CAPN13: variants seen among roughly 807,000 people sequenced by gnomAD.
CAPN13 encodes calpain-13.
CAPN13 carries 90 observed loss-of-function variants against 98.4 expected under a neutral mutation model. That is an observed-to-expected ratio of 0.92 (90% CI 0.77 to 1.09). The LOEUF is 1.09. CAPN13 is among the 50% of genes least tolerant of loss of function. The pLI is 0.00. For missense variants in CAPN13, 887 were observed against 841.3 expected (o/e 1.05, Z -0.67); for synonymous variants, 330 against 305.5 (o/e 1.08, Z -0.84).
intron 19 of CAPN13, among the ~76,000 whole-genome samples, chr2:30,734,165 T>C (rs938225324): frequency 2.0e-5 from 3 of 152,154 alleles, no homozygotes; most frequent in Non-Finnish European, 4.4e-5. Context: ...CCTGATAGGG[T>C]ATCAATCACG....
intron 2 of CAPN13, among the ~76,000 whole-genome samples, chr2:30,782,763 C>G (rs956602111): frequency 6.6e-6 from 1 of 152,194 alleles, no homozygotes; most frequent in Admixed American, 6.5e-5. Flanking sequence ...ACGTCTTTTA[C>G]TATAAAATGG....
chr2:30,759,768 A>G (rs1286336424), intron 7 of CAPN13, among the ~76,000 whole-genome samples: 1 of 152,112 alleles, frequency 6.6e-6, no homozygotes, highest in African/African-American at 2.4e-5. Flanking sequence ...CTAGTTTTGG[A>G]ATTAGGCATG....
At chr2:30,756,496 A>C (rs904192670) in intron 8 of CAPN13, among the ~76,000 whole-genome samples, 1 of 152,200 alleles carries the variant, frequency 6.6e-6, no homozygotes, top group Non-Finnish European at 1.5e-5. Flanking sequence ...TTTGATATTT[A>C]GCATGGGAAA....
intron 1 of CAPN13, among the ~76,000 whole-genome samples, chr2:30,793,818 AT>A (rs1478623839): frequency 6.6e-6 from 1 of 151,840 alleles, no homozygotes; most frequent in Non-Finnish European, 1.5e-5. Flanking sequence ...AGGCAATTCA[AT>A]GGGGGAAAGA....
intron 3 of CAPN13, among the ~76,000 whole-genome samples, chr2:30,776,640 G>A (rs1673711900): frequency 6.6e-6 from 1 of 152,146 alleles, no homozygotes; most frequent in African/African-American, 2.4e-5. Flanking sequence ...GCAGAAGTAG[G>A]GGGACGTTCT....
At chr2:30,742,229 GT>G in intron 14 of CAPN13, 96 bp downstream of exon 14, 1 of 1,392,550 alleles carries the variant, frequency 7.2e-7, no homozygotes, top group Non-Finnish European at 1.0e-6. Flanking sequence ...CTTTTCATTG[GT>G]TGGGGGCAGC....
chr2:30,741,770 C>A (rs2147968097), intron 15 of CAPN13, 138 bp downstream of exon 15: 1 of 1,515,058 alleles, frequency 6.6e-7, no homozygotes, highest in Non-Finnish European at 8.8e-7. Flanking sequence ...GGAGACGATC[C>A]AGGAAGAGAG....
In CAPN13 at chr2:30,743,598, CAAT is replaced by C; in HGVS notation, c.1249-22_1249-20del. On this transcript the variant is annotated intron_variant, in intron 12 of 22. Coordinates refer to ENST00000295055, the MANE Select transcript of CAPN13 (RefSeq NM_144575.3). ...GGAACCGCTGGAATTAGAGGAAACA[CAAT>C]GATTGTGAGAAAGCCTCCTCTGTGC... 6.2e-7 allele frequency: 1 copy of C among 1,613,216 alleles called. No homozygotes were observed. Among genetic ancestry groups the C allele is most frequent in the South Asian group, 1.1e-5 (1 of 91,064 alleles).
chr2:30,737,741 G>C (rs905916536), intron 17 of CAPN13: 1 of 161,220 alleles, frequency 6.2e-6, no homozygotes, highest in African/African-American at 2.4e-5. Context: ...GAAGTGAATG[G>C]GTAAAAGGGA....
At position 30,722,965 on chromosome 2, in the gene CAPN13, ACTTCT is replaced by A. The variant is rs1209246210; in HGVS notation, c.*297_*301del. 1 of 152,212 alleles carries A rather than the reference ACTTCT, an allele frequency of 6.6e-6. No homozygotes were observed. The highest frequency in any genetic ancestry group is 2.4e-5 in the African/African-American group (1 of 41,444). The allele number at this position is 152,212 out of a possible 1,614,324, so 9.4% of individuals were successfully genotyped here. ...ACTGGTGACAGGGGACTCAGAGACAACTTCTCTTCTCCTTTCCCACAGGGAGACAT... is the reference window on the plus strand; with the variant it reads ...ACTGGTGACAGGGGACTCAGAGACAACTTCTCCTTTCCCACAGGGAGACAT... On this transcript the variant is annotated 3_prime_UTR_variant, in exon 23 of 23. Coordinates refer to ENST00000295055, the MANE Select transcript of CAPN13 (RefSeq NM_144575.3).
rs78952333 is a variant in CAPN13 at position 30,730,896 on chromosome 2, C to T, written c.1984-110G>A. 446 of 739,404 alleles carry T rather than the reference C, an allele frequency of 6.0e-4. 1 individual carries two copies. The African/African-American group carries it at 6.9e-3, about 11-fold the overall frequency. 45.8% of individuals were successfully genotyped at this position (739,404 alleles called of 1,614,324 possible). On this transcript the variant is annotated intron_variant, in intron 21 of 22. Coordinates refer to ENST00000295055, the MANE Select transcript of CAPN13 (RefSeq NM_144575.3). ...GGAAGACCTCAGTCCAGTCTCATCA[C>T]CCCTTCCAGCTAATTCCAACCCAAG...
intron 2 of CAPN13, among the ~76,000 whole-genome samples, chr2:30,783,320 A>G (rs904857574): frequency 6.6e-6 from 1 of 152,092 alleles, no homozygotes; most frequent in African/African-American, 2.4e-5. Context: ...GAGGCTGATG[A>G]GGAGTCGGGT....
At chr2:30,761,801 C>A (rs112470410) in intron 7 of CAPN13, among the ~76,000 whole-genome samples, 1 of 152,236 alleles carries the variant, frequency 6.6e-6, no homozygotes, top group South Asian at 2.1e-4. Flanking sequence ...GGACACCGAT[C>A]AAACCATGAA....
chr2:30,784,490 C>G (rs940098496), intron 2 of CAPN13, among the ~76,000 whole-genome samples: 1 of 152,170 alleles, frequency 6.6e-6, no homozygotes, highest in East Asian at 1.9e-4. Flanking sequence ...ATATGTGGTA[C>G]AGGTGCCATT....
At chr2:30,782,693 C>T (rs544622231) in intron 2 of CAPN13, among the ~76,000 whole-genome samples, 1 of 152,182 alleles carries the variant, frequency 6.6e-6, no homozygotes, top group African/African-American at 2.4e-5. Flanking sequence ...TGCTGAGCTT[C>T]GAACACCTGT....
In CAPN13 at chr2:30,754,379, A is replaced by G. The variant is rs113435959; in HGVS notation, c.867-15T>C. On this transcript the variant is annotated splice_polypyrimidine_tract_variant and intron_variant, in intron 8 of 22. Transcript: ENST00000295055. ...ACTCCTGAGACCTGAGCATGGACAC[A>G]CAAACCACAGGGTGAGATTTTCCAG... 1,423 of 1,590,896 alleles carry G rather than the reference A, an allele frequency of 8.9e-4. 18 individuals are homozygous for G. In the African/African-American group the frequency reaches 0.016, roughly 18 times the overall value.
chr2:30,799,717 G>A (rs982616369), intron 1 of CAPN13, among the ~76,000 whole-genome samples: 15 of 152,068 alleles, frequency 9.9e-5, no homozygotes, highest in African/African-American at 3.4e-4. Flanking sequence ...CTGATCCACC[G>A]AGGGCCAGGG....
chr2:30,730,896 C>A (rs78952333), intron 21 of CAPN13, 110 bp from the exon 22 acceptor site: 14 of 739,288 alleles, frequency 1.9e-5, no homozygotes, highest in Non-Finnish European at 3.3e-5. Context: ...AGTCTCATCA[C>A]CCCTTCCAGC....
chr2:30,740,971 G>A (rs536018643), intron 15 of CAPN13, among the ~76,000 whole-genome samples: 1 of 152,332 alleles, frequency 6.6e-6, no homozygotes, highest in East Asian at 1.9e-4. Flanking sequence ...GCCAAGGACA[G>A]TGATCAGTGT....
Sources: allele counts gnomAD v4.1 joint callset (sites outside exome capture counted in the v4.1 genomes callset), GRCh38; gene constraint gnomAD v4.1.1; transcripts MANE v1.5; gene names NCBI Gene and HGNC (gene_info 2026-07-23, HGNC 2026-07-21).